Variants in DGKI observed in about 807,000 individuals in gnomAD.
DGKI encodes DAG kinase iota.
A neutral mutation model predicts 147.5 loss-of-function variants in DGKI; 55 were observed. The ratio of observed to expected loss-of-function variants is 0.37; its 90% confidence interval spans 0.30 to 0.47. The LOEUF (loss-of-function observed/expected upper bound fraction) is 0.47. Ranked by LOEUF, DGKI falls within the 20% of genes least tolerant of loss-of-function variation. DGKI has a pLI of 1.00. For missense variants in DGKI, 1,007 were observed against 1,323.8 expected (o/e 0.76, Z 3.71); for synonymous variants, 469 against 477.1 (o/e 0.98, Z 0.22).
chr7:137,553,386 A>C (rs1282190536), intron 19 of DGKI, among the ~76,000 whole-genome samples: 1 of 152,224 alleles, frequency 6.6e-6, no homozygotes, highest in Non-Finnish European at 1.5e-5. Context: ...ATGCAAAATA[A>C]CATCAATTAC....
chr7:137,434,295 C>T (rs372273295), intron 28 of DGKI, among the ~76,000 whole-genome samples: 101 of 151,972 alleles, frequency 6.6e-4, no homozygotes, highest in African/African-American at 2.3e-3. Context: ...AGAGTATTCC[C>T]GCAGCTGGGC....
At chr7:137,427,488 GAA>G (rs898490278) in intron 28 of DGKI, among the ~76,000 whole-genome samples, 1 of 151,988 alleles carries the variant, frequency 6.6e-6, no homozygotes, top group African/African-American at 2.4e-5. Context: ...ACAATTAAAA[GAA>G]CTAGAAAAGC....
At position 137,449,146 on chromosome 7, in the gene DGKI, C is replaced by T. The variant is rs115332110; in HGVS notation, c.2736-5044G>A. On this transcript the variant is annotated intron_variant, in intron 27 of 32. Transcript: ENST00000614521. The stretch of plus-strand genomic sequence containing the variant: ...CAGATTAGTAGAAACAATCCTAAAA[C>T]GTGTATGAAACCACAGAAGACCCTG... Among the ~76,000 whole-genome samples, 845 of 152,172 alleles carry T rather than the reference C, an allele frequency of 5.6e-3. 7 individuals carry two copies. The highest frequency in any genetic ancestry group is 0.019 in the African/African-American group (799 of 41,508).
chr7:137,732,027 A>G (rs1278533883), intron 1 of DGKI, among the ~76,000 whole-genome samples: 1 of 152,060 alleles, frequency 6.6e-6, no homozygotes, highest in African/African-American at 2.4e-5. Flanking sequence ...ATACTTTAAA[A>G]TCCACTAGAA....
Position 137,521,501 on chromosome 7 carries a change from G to A in DGKI, c.2248+365C>T, listed in dbSNP as rs142146577. 2.2e-3 allele frequency among the ~76,000 whole-genome samples: 333 copies of A among 152,090 alleles called. 1 individual carries two copies. Among genetic ancestry groups the A allele is most frequent in the Non-Finnish European group, 4.0e-3 (274 of 67,972 alleles). On this transcript the variant is annotated intron_variant, in intron 21 of 32. Transcript: ENST00000614521. ...ACGAATGAGGGCAGTGTTTGATAAC[G>A]CAGCCTCCAAGAAGAGATCTGTGTT...
chr7:137,728,516 G>A (rs1794776243), intron 1 of DGKI, among the ~76,000 whole-genome samples: 2 of 152,174 alleles, frequency 1.3e-5, no homozygotes, highest in African/African-American at 4.8e-5. Context: ...AATGCAAAGA[G>A]TAGGCATGGG....
At chr7:137,819,890 A>T (rs188653161) in intron 1 of DGKI, among the ~76,000 whole-genome samples, 1 of 152,274 alleles carries the variant, frequency 6.6e-6, no homozygotes, top group Non-Finnish European at 1.5e-5. Context: ...TTGTCCCCCT[A>T]CAGAATCAGT....
intron 1 of DGKI, among the ~76,000 whole-genome samples, chr7:137,840,832 C>G (rs1047605940): frequency 1.3e-5 from 2 of 152,176 alleles, no homozygotes; most frequent in Non-Finnish European, 2.9e-5. Context: ...TATCCAACAC[C>G]TACCAAGCAA....
chr7:137,553,473 C>T (rs1318664652), intron 19 of DGKI, among the ~76,000 whole-genome samples: 1 of 152,010 alleles, frequency 6.6e-6, no homozygotes, highest in Non-Finnish European at 1.5e-5. Context: ...ATCATGGTAG[C>T]CACAGAATGG....
intron 21 of DGKI, chr7:137,493,881 T>A: frequency 1.5e-6 from 1 of 648,236 alleles, no homozygotes; most frequent in South Asian, 1.7e-5. Context: ...GGAATGAAGA[T>A]CATCGAGATT....
At chr7:137,472,097 A>ATG in intron 23 of DGKI, among the ~76,000 whole-genome samples, 1 of 88,960 alleles carries the variant, frequency 1.1e-5, no homozygotes. Flanking sequence ...ATATATACAC[A>ATG]TATATGTGTA....
At chr7:137,403,092 G>A (rs1392177366) in intron 30 of DGKI, among the ~76,000 whole-genome samples, 5 of 151,976 alleles carry the variant, frequency 3.3e-5, no homozygotes. Context: ...GGGGGAGGGA[G>A]CGGGCAGAAA....
Position 137,607,119 on chromosome 7 carries a change from C to T in DGKI, c.1167+1847G>A, listed in dbSNP as rs534506831. Among the ~76,000 whole-genome samples the T allele has an allele frequency of 1.2e-4, 18 of 152,278 alleles. 1 individual carries two copies. Among genetic ancestry groups the T allele is most frequent in the Middle Eastern group, 3.4e-3 (1 of 294 alleles). On this transcript the variant is annotated intron_variant, in intron 10 of 32. Transcript: ENST00000614521. ...AACAGGAATCTGCCACAGTAAAGAG[C>T]AGGAAAAGGACAGACCTTCCAGTCT...
chr7:137,425,301 A>G (rs1812751553), intron 28 of DGKI, among the ~76,000 whole-genome samples: 1 of 152,192 alleles, frequency 6.6e-6, no homozygotes, highest in African/African-American at 2.4e-5. Context: ...TCTGGAGTGG[A>G]CCTCTAGCAA....
intron 20 of DGKI, among the ~76,000 whole-genome samples, chr7:137,528,740 A>G (rs530036165): frequency 3.3e-5 from 5 of 152,266 alleles, no homozygotes; most frequent in African/African-American, 1.2e-4. Context: ...CTATGACTGC[A>G]TCTTCAAGTG....
Position 137,387,069 on chromosome 7 carries a change from T to G in DGKI, c.*4151A>C, listed in dbSNP as rs1201183641. ...TCCTTCTGGAAGGAAGACAAGCTGC[T>G]CAGACCCCCATACTACACTGAAGTT... On this transcript the variant is annotated 3_prime_UTR_variant, in exon 33 of 33. Coordinates refer to ENST00000614521, the MANE Select transcript of DGKI (RefSeq NM_001321708.2). The G allele has an allele frequency of 6.6e-6, 1 of 152,122 alleles. No homozygotes were observed. Among genetic ancestry groups the G allele is most frequent in the Non-Finnish European group, 1.5e-5 (1 of 68,004 alleles). The allele number at this position is 152,122 out of a possible 1,614,324, so 9.4% of individuals were successfully genotyped here.
At chr7:137,405,433 TC>T (rs1346406072) in intron 30 of DGKI, among the ~76,000 whole-genome samples, 5 of 152,098 alleles carry the variant, frequency 3.3e-5, no homozygotes, top group Non-Finnish European at 7.4e-5. Flanking sequence ...AAACTGGGGT[TC>T]TTAAGACCCA....
chr7:137,480,396 GGAGA>G (rs1410286331), intron 23 of DGKI, among the ~76,000 whole-genome samples: 1 of 152,290 alleles, frequency 6.6e-6, no homozygotes, highest in East Asian at 1.9e-4. Flanking sequence ...TTCAGAGAAA[GGAGA>G]GAGATGAATA....
In DGKI at chr7:137,725,603, A is replaced by T. The variant is rs1052723956; in HGVS notation, c.402-35601T>A. 1.6e-4 allele frequency among the ~76,000 whole-genome samples: 7 copies of T among 42,464 alleles called. No homozygotes were observed. The African/African-American group carries it at 1.6e-3, about 10-fold the overall frequency. The allele number at this position is 42,464 out of a possible 152,430, so 27.9% of individuals were successfully genotyped here. On this transcript the variant is annotated intron_variant, in intron 1 of 32. Coordinates refer to ENST00000614521, the MANE Select transcript of DGKI (RefSeq NM_001321708.2). ...TAAAAAAAGGTAGCTTGTTTTCTTTAAAAAAAAAAAAGGTTGTGATATTTT... is the reference window on the plus strand; with the variant it reads ...TAAAAAAAGGTAGCTTGTTTTCTTTTAAAAAAAAAAAGGTTGTGATATTTT...
Sources: gnomAD v4.1 joint callset for allele counts (sites outside exome capture counted in the v4.1 genomes callset) on GRCh38, gnomAD v4.1.1 for gene constraint, MANE v1.5 for transcripts, NCBI Gene and HGNC (gene_info 2026-07-23, HGNC 2026-07-21) for gene names.